Variants in RSRC1 observed in about 807,000 individuals in gnomAD.
The protein encoded by RSRC1 is serine/Arginine-related protein 53.
In RSRC1, 39 loss-of-function variants were observed where a neutral mutation model predicts 49.1. The observed-to-expected ratio is 0.79, with a 90% CI of 0.61 to 1.04. The LOEUF is 1.04. Ranked by LOEUF, RSRC1 falls within the 50% of genes least tolerant of loss-of-function variation. The probability of loss-of-function intolerance (pLI) is 0.00; values close to 1 mark genes in which losing one functional copy is unlikely to be tolerated. For synonymous variants in RSRC1, 143 were observed against 130.8 expected (o/e 1.09, Z -0.63); for missense variants, 388 against 402.4 (o/e 0.96, Z 0.31).
chr3:158,529,214 G>GTGTA (rs374368016), intron 7 of RSRC1, among the ~76,000 whole-genome samples: 30 of 143,126 alleles, frequency 2.1e-4, no homozygotes, highest in African/African-American at 7.9e-4. Context: ...ATGTGTGTGT[G>GTGTA]TATATATATA....
At chr3:158,284,540 C>G (rs867790701) in intron 4 of RSRC1, among the ~76,000 whole-genome samples, 1,588 of 147,686 alleles carry the variant, frequency 0.011, 24 homozygotes, top group African/African-American at 0.038. Context: ...TTCTCCACAT[C>G]CTCTCCAGCA....
chr3:158,326,498 T>C (rs1419580017), intron 5 of RSRC1, among the ~76,000 whole-genome samples: 1 of 152,216 alleles, frequency 6.6e-6, no homozygotes, highest in African/African-American at 2.4e-5. Context: ...CATGTGGTTT[T>C]TGTCTTTGGT....
At chr3:158,396,392 G>GT (rs202186075) in intron 6 of RSRC1, among the ~76,000 whole-genome samples, 18,083 of 135,940 alleles carry the variant, frequency 0.13, 1,269 homozygotes, top group Middle Eastern at 0.23. Flanking sequence ...GATGGGCAAT[G>GT]TTTTTTTTTT....
intron 6 of RSRC1, among the ~76,000 whole-genome samples, chr3:158,455,189 G>A (rs910588186): frequency 7.9e-5 from 12 of 151,922 alleles, no homozygotes; most frequent in Non-Finnish European, 1.3e-4. Context: ...ATTTTTCTAT[G>A]CTTTTGTTCT....
At chr3:158,501,251 A>G (rs1739575807) in intron 7 of RSRC1, among the ~76,000 whole-genome samples, 1 of 152,132 alleles carries the variant, frequency 6.6e-6, no homozygotes, top group Non-Finnish European at 1.5e-5. Flanking sequence ...GTTTTCTTAA[A>G]TGTATCAAGC....
At chr3:158,161,742 A>T (rs1718232233) in intron 3 of RSRC1, among the ~76,000 whole-genome samples, 1 of 152,190 alleles carries the variant, frequency 6.6e-6, no homozygotes, top group South Asian at 2.1e-4. Flanking sequence ...AGTCTGGGTG[A>T]CAAAGTGAGA....
intron 6 of RSRC1, among the ~76,000 whole-genome samples, chr3:158,451,583 T>C (rs1737036167): frequency 6.6e-6 from 1 of 152,040 alleles, no homozygotes; most frequent in African/African-American, 2.4e-5. Flanking sequence ...AACATGAAAC[T>C]TCAAAGGAAA....
At chr3:158,247,605 G>C (rs936180538) in intron 4 of RSRC1, among the ~76,000 whole-genome samples, 3 of 152,092 alleles carry the variant, frequency 2.0e-5, no homozygotes, top group East Asian at 1.9e-4. Flanking sequence ...TGTGTTTTCT[G>C]TTTGTTTATT....
chr3:158,522,306 AC>A (rs1711721756), intron 7 of RSRC1, among the ~76,000 whole-genome samples: 1 of 152,024 alleles, frequency 6.6e-6, no homozygotes, highest in Admixed American at 6.6e-5. Context: ...GGCCTACTTT[AC>A]TTTTTTTTTC....
intron 5 of RSRC1, among the ~76,000 whole-genome samples, chr3:158,337,921 T>A (rs147932774): frequency 2.7e-3 from 411 of 152,376 alleles, no homozygotes; most frequent in African/African-American, 9.6e-3. Flanking sequence ...ATTTAATCTG[T>A]ACAAAATCTG....
chr3:158,403,610 G>T (rs1031303155), intron 6 of RSRC1, among the ~76,000 whole-genome samples: 8 of 151,754 alleles, frequency 5.3e-5, no homozygotes, highest in African/African-American at 1.9e-4. Flanking sequence ...AGACATAAAT[G>T]TGGAAAATCA....
At chr3:158,369,316 A>G (rs889964687) in intron 6 of RSRC1, among the ~76,000 whole-genome samples, 1 of 152,114 alleles carries the variant, frequency 6.6e-6, no homozygotes, top group African/African-American at 2.4e-5. Context: ...AAATATGTGC[A>G]CATTGCCAAG....
At chr3:158,434,092 CT>C (rs1164568509) in intron 6 of RSRC1, among the ~76,000 whole-genome samples, 2 of 151,930 alleles carry the variant, frequency 1.3e-5, no homozygotes, top group Admixed American at 6.6e-5. Context: ...AATTAGATCA[CT>C]GCTATGCTAA....
intron 6 of RSRC1, among the ~76,000 whole-genome samples, chr3:158,384,751 CCTT>C (rs769726603): frequency 1.1e-4 from 16 of 152,134 alleles, no homozygotes; most frequent in Admixed American, 2.0e-4. Flanking sequence ...CCTAGCCCCT[CCTT>C]CTTCTTGCCC....
chr3:158,531,738 A>G (rs372268803), intron 7 of RSRC1, among the ~76,000 whole-genome samples: 8 of 151,966 alleles, frequency 5.3e-5, no homozygotes, highest in African/African-American at 1.9e-4. Context: ...GGATAGATTT[A>G]TAATGCTTGC....
intron 4 of RSRC1, among the ~76,000 whole-genome samples, chr3:158,210,738 A>G (rs1191948780): frequency 6.6e-6 from 1 of 152,036 alleles, no homozygotes; most frequent in Non-Finnish European, 1.5e-5. Flanking sequence ...ATTTTTTAGA[A>G]AAGATGAGGT....
intron 4 of RSRC1, among the ~76,000 whole-genome samples, chr3:158,220,195 A>G (rs1722156828): frequency 6.6e-6 from 1 of 151,698 alleles, no homozygotes; most frequent in Admixed American, 6.6e-5. Context: ...TGGAAGGGCT[A>G]ATCGTAGATA....
chr3:158,206,879 A>T (rs542176901), intron 4 of RSRC1, among the ~76,000 whole-genome samples: 1 of 152,278 alleles, frequency 6.6e-6, no homozygotes, highest in South Asian at 2.1e-4. Context: ...GTGCCATTGC[A>T]CTCTAGCCTG....
At chr3:158,141,401 T>C (rs1237344730) in intron 3 of RSRC1, among the ~76,000 whole-genome samples, 2 of 152,230 alleles carry the variant, frequency 1.3e-5, no homozygotes, top group African/African-American at 4.8e-5. Flanking sequence ...TAATTTTGCA[T>C]GTTCTTTAAC....
Sources: allele counts gnomAD v4.1 joint callset (sites outside exome capture counted in the v4.1 genomes callset), GRCh38; gene constraint gnomAD v4.1.1; transcripts MANE v1.5; gene names NCBI Gene and HGNC (gene_info 2026-07-23, HGNC 2026-07-21).